The following SOX6 variants were observed in gnomAD, a reference collection of about 807,000 sequenced individuals.
SOX6 encodes the protein transcription factor SOX-6.
In SOX6, 11 loss-of-function variants were observed where a neutral mutation model predicts 97.8. The ratio of observed to expected loss-of-function variants is 0.11; its 90% confidence interval spans 0.07 to 0.19. The LOEUF is 0.19. SOX6 is among the 10% of genes least tolerant of loss of function. The pLI, the probability that SOX6 is intolerant of heterozygous loss-of-function variation, is 1.00. For synonymous variants in SOX6, 360 were observed against 371.4 expected, an observed-to-expected ratio of 0.97 and a Z score of 0.35; for missense variants, 810 against 1,039.5, an observed-to-expected ratio of 0.78 and a Z score of 3.04.
At chr11:16,283,617 T>A (rs1280069775) in intron 3 of SOX6, 1 of 157,784 alleles carries the variant, frequency 6.3e-6, no homozygotes, top group Non-Finnish European at 1.4e-5. Flanking sequence ...GTGGCTTTAA[T>A]TTTATTTCAA....
chr11:16,015,077 AT>A (rs1854844362), intron 12 of SOX6, 27 bp from the exon 13 acceptor site: 1 of 1,599,628 alleles, frequency 6.3e-7, no homozygotes. Flanking sequence ...TCAGAGGCTT[AT>A]TCTAGTTTCC....
intron 3 of SOX6, among the ~76,000 whole-genome samples, chr11:16,670,820 G>A (rs552995286): frequency 6.6e-6 from 1 of 152,312 alleles, no homozygotes; most frequent in African/African-American, 2.4e-5. Context: ...CTGAGATCAT[G>A]CCAGAGCTGC....
chr11:16,039,985 C>A (rs578187612), intron 12 of SOX6, among the ~76,000 whole-genome samples: 1 of 151,888 alleles, frequency 6.6e-6, no homozygotes, highest in Non-Finnish European at 1.5e-5. Flanking sequence ...TTAGAAACTA[C>A]CTGCCATAAT....
chr11:16,649,014 A>G (rs893786975), intron 3 of SOX6, among the ~76,000 whole-genome samples: 3 of 152,142 alleles, frequency 2.0e-5, no homozygotes, highest in Admixed American at 2.0e-4. Flanking sequence ...AGTAGAAGAA[A>G]GAACTTCAGA....
intron 4 of SOX6, among the ~76,000 whole-genome samples, chr11:16,527,607 A>T (rs1861185730): frequency 6.6e-6 from 1 of 152,156 alleles, no homozygotes; most frequent in African/African-American, 2.4e-5. Context: ...CCAGGCTTAG[A>T]CATATAACCT....
intron 3 of SOX6, among the ~76,000 whole-genome samples, chr11:16,649,848 G>T (rs1849068053): frequency 6.6e-6 from 1 of 151,996 alleles, no homozygotes; most frequent in South Asian, 2.1e-4. Flanking sequence ...TAGCAGAATC[G>T]ATAAAAATCC....
At chr11:16,484,010 G>A in intron 4 of SOX6, 2 of 827,940 alleles carry the variant, frequency 2.4e-6, no homozygotes, top group Non-Finnish European at 4.3e-6. Context: ...AGGAGGCAAG[G>A]TCCTCGGGCT....
chr11:16,550,699 AAGC>A (rs1847673905), intron 4 of SOX6, among the ~76,000 whole-genome samples: 2 of 152,154 alleles, frequency 1.3e-5, no homozygotes. Flanking sequence ...ATAACACAAA[AAGC>A]AGTAAGGAAG....
intron 2 of SOX6, among the ~76,000 whole-genome samples, chr11:16,329,112 A>C (rs1008507135): frequency 1.3e-5 from 2 of 152,196 alleles, no homozygotes; most frequent in African/African-American, 4.8e-5. Context: ...AATAACAATA[A>C]AATTATTCAT....
intron 9 of SOX6, among the ~76,000 whole-genome samples, chr11:16,071,910 TAA>T (rs71313436): frequency 9.5e-5 from 13 of 136,950 alleles, no homozygotes; most frequent in African/African-American, 8.1e-5. Context: ...CTAAGAAGAT[TAA>T]AAAAAAAAAA....
intron 3 of SOX6, among the ~76,000 whole-genome samples, chr11:16,676,590 T>C (rs1847886361): frequency 6.6e-6 from 1 of 152,222 alleles, no homozygotes; most frequent in Admixed American, 6.5e-5. Flanking sequence ...GTTTAGTTAG[T>C]GACTTTTCTA....
chr11:16,409,720 C>T (rs1389438632), intron 1 of SOX6, among the ~76,000 whole-genome samples: 1 of 151,890 alleles, frequency 6.6e-6, no homozygotes, highest in Non-Finnish European at 1.5e-5. Flanking sequence ...CTATAAGCAT[C>T]CCAACAGATG....
intron 1 of SOX6, among the ~76,000 whole-genome samples, chr11:16,441,078 TA>T (rs1859494625): frequency 6.6e-6 from 1 of 152,212 alleles, no homozygotes; most frequent in East Asian, 1.9e-4. Context: ...CCACTAATAC[TA>T]TAGCCACCCC....
At chr11:16,220,910 G>C (rs1852519984) in intron 4 of SOX6, among the ~76,000 whole-genome samples, 1 of 151,964 alleles carries the variant, frequency 6.6e-6, no homozygotes, top group Non-Finnish European at 1.5e-5. Context: ...CAGATCCAGG[G>C]GAAGAAAGCA....
chr11:16,068,545 A>G lies in SOX6; in HGVS notation c.1102-12644T>C, dbSNP rs372179523. Among the ~76,000 whole-genome samples the G allele has an allele frequency of 2.0e-4, 30 of 152,260 alleles. No individual in the cohort carries two copies. The South Asian group carries it at 6.0e-3, about 30-fold the overall frequency. ...AAGAACTGAAGTCCTTTTTTTCAGC[A>G]TAGAAGGTACTTGTTCAACTACACT... On this transcript the variant is annotated intron_variant, in intron 9 of 15. Transcript: ENST00000683767.
chr11:16,693,822 C>T (rs1276145234), intron 3 of SOX6, among the ~76,000 whole-genome samples: 2 of 152,136 alleles, frequency 1.3e-5, no homozygotes, highest in East Asian at 1.9e-4. Flanking sequence ...GTATTATCTA[C>T]ATATAATGAG....
chr11:16,731,917 A>T lies in SOX6; in HGVS notation n.353+4422T>A, dbSNP rs138269497. 7.8e-4 allele frequency among the ~76,000 whole-genome samples: 119 copies of T among 152,320 alleles called. 1 individual carries two copies. In the East Asian group the frequency reaches 0.021, roughly 27 times the overall value. On this transcript the variant is annotated intron_variant and non_coding_transcript_variant, in intron 2 of 5. Coordinates refer to the SOX6 transcript ENST00000524520. ...AAGTCTCAGAACACAAACTCAATGT[A>T]CAAAAATCACAAGCATTCCTATACA...
chr11:16,642,431 T>G (rs1288460670), intron 3 of SOX6, among the ~76,000 whole-genome samples: 1 of 152,164 alleles, frequency 6.6e-6, no homozygotes, highest in East Asian at 1.9e-4. Context: ...CTTTGTGGTG[T>G]TCTCTGTATT....
chr11:16,004,099 A>G (rs981483933), intron 13 of SOX6, among the ~76,000 whole-genome samples: 11 of 151,880 alleles, frequency 7.2e-5, no homozygotes, highest in African/African-American at 2.7e-4. Context: ...ATACAATGGG[A>G]CTTTCCTTAA....
Sources: allele counts gnomAD v4.1 joint callset (sites outside exome capture counted in the v4.1 genomes callset), GRCh38; gene constraint gnomAD v4.1.1; transcripts MANE v1.5; gene names NCBI Gene and HGNC (gene_info 2026-07-23, HGNC 2026-07-21).